Variants in RBFOX1 observed in about 807,000 individuals in gnomAD.
RBFOX1 encodes the protein RNA binding fox-1 homolog 1, also known as RNA binding protein fox-1 homolog 1.
Under a neutral mutation model 57.7 loss-of-function variants are expected in RBFOX1, and 8 were observed. The ratio of observed to expected loss-of-function variants is 0.14; its 90% CI spans 0.08 to 0.25. The LOEUF (loss-of-function observed/expected upper bound fraction) is 0.25. Ranked by LOEUF, RBFOX1 falls within the 10% of genes least tolerant of loss-of-function variation. RBFOX1 has a pLI of 1.00. For missense variants in RBFOX1, 611 were observed against 548.5 expected, an observed-to-expected ratio of 1.11 and a Z score of -1.14; for synonymous variants, 326 against 222.4, an observed-to-expected ratio of 1.47 and a Z score of -4.15.
intron 4 of RBFOX1, among the ~76,000 whole-genome samples, chr16:7,172,339 A>G (rs183528712): frequency 2.6e-5 from 4 of 152,300 alleles, no homozygotes; most frequent in Admixed American, 2.6e-4. Flanking sequence ...AGTACCCTAC[A>G]CATCTTCCTA....
intron 2 of RBFOX1, among the ~76,000 whole-genome samples, chr16:5,478,842 C>G (rs2069422219): frequency 6.6e-6 from 1 of 152,136 alleles, no homozygotes; most frequent in Non-Finnish European, 1.5e-5. Flanking sequence ...CTCCCATGGG[C>G]TGCTATATTC....
chr16:6,587,100 C>A (rs758856157), intron 2 of RBFOX1, among the ~76,000 whole-genome samples: 11 of 152,082 alleles, frequency 7.2e-5, no homozygotes, highest in Non-Finnish European at 1.0e-4. Context: ...CTGTAGTCAC[C>A]ATGATGTACA....
chr16:5,845,883 G>T (rs921759537), intron 3 of RBFOX1, among the ~76,000 whole-genome samples: 8 of 152,112 alleles, frequency 5.3e-5, no homozygotes, highest in African/African-American at 1.9e-4. Flanking sequence ...AGAATTTTGT[G>T]AGAAAATGGC....
At chr16:7,349,028 T>G (rs943993385) in intron 4 of RBFOX1, among the ~76,000 whole-genome samples, 10 of 152,294 alleles carry the variant, frequency 6.6e-5, no homozygotes, top group Admixed American at 3.9e-4. Context: ...CAGATTTTCT[T>G]GTAAATTTCT....
At chr16:7,146,478 G>T (rs2075003870) in intron 4 of RBFOX1, among the ~76,000 whole-genome samples, 2 of 152,258 alleles carry the variant, frequency 1.3e-5, no homozygotes, top group African/African-American at 2.4e-5. Context: ...GAACAAAGGT[G>T]GTCTTCAGCT....
intron 3 of RBFOX1, among the ~76,000 whole-genome samples, chr16:5,791,349 C>G (rs1427993459): frequency 2.0e-5 from 3 of 152,000 alleles, no homozygotes; most frequent in African/African-American, 7.3e-5. Flanking sequence ...TAACAGACAT[C>G]ATTTGTTGAG....
intron 1 of RBFOX1, among the ~76,000 whole-genome samples, chr16:6,230,229 A>G (rs1850836463): frequency 6.6e-6 from 1 of 152,158 alleles, no homozygotes; most frequent in South Asian, 2.1e-4. Flanking sequence ...TGATCTTTTA[A>G]TTTTTTTAAA....
intron 1 of RBFOX1, among the ~76,000 whole-genome samples, chr16:6,200,004 G>A (rs1216827280): frequency 1.3e-5 from 2 of 152,104 alleles, no homozygotes; most frequent in East Asian, 1.9e-4. Flanking sequence ...AATGAGCAGG[G>A]GTTGATGGAG....
At chr16:5,974,310 T>C (rs12931802) in intron 4 of RBFOX1, among the ~76,000 whole-genome samples, 38,612 of 152,050 alleles carry the variant, frequency 0.25, 4,911 homozygotes, top group South Asian at 0.34. Flanking sequence ...GAAACATACC[T>C]GATTAAAAGA....
chr16:6,936,025 A>C (rs977531335), intron 3 of RBFOX1, among the ~76,000 whole-genome samples: 3 of 152,118 alleles, frequency 2.0e-5, no homozygotes, highest in Non-Finnish European at 4.4e-5. Context: ...TAATGGCAAG[A>C]GGGTTTCTTC....
chr16:6,880,083 G>C (rs1329968808), intron 3 of RBFOX1, among the ~76,000 whole-genome samples: 1 of 152,028 alleles, frequency 6.6e-6, no homozygotes, highest in Non-Finnish European at 1.5e-5. Context: ...TTCTCCTTAG[G>C]GATGTTCCTG....
intron 4 of RBFOX1, among the ~76,000 whole-genome samples, chr16:7,381,442 C>G (rs528818859): frequency 3.9e-4 from 60 of 152,028 alleles, no homozygotes; most frequent in Non-Finnish European, 7.5e-4. Context: ...TTCCTGTTTT[C>G]TCAATGATCT....
rs1184383912 is a variant in RBFOX1 at position 6,060,143 on chromosome 16, T to G, written c.-127+40151T>G. On this transcript the variant is annotated intron_variant, in intron 1 of 15. Coordinates refer to ENST00000550418, the MANE Select transcript of RBFOX1 (RefSeq NM_018723.4). ...TAGGGTTTTTTTTTTTTTTTTTTTT[T>G]TTTTTTTTTTTTTTTACGTATAACA... 4.7e-3 allele frequency among the ~76,000 whole-genome samples: 335 copies of G among 71,580 alleles called. 9 individuals are homozygous for G. Among genetic ancestry groups the G allele is most frequent in the African/African-American group, 0.014 (322 of 22,722 alleles). 47.0% of individuals were successfully genotyped at this position (71,580 alleles called of 152,430 possible).
At chr16:7,484,789 C>A (rs1390285429) in intron 4 of RBFOX1, among the ~76,000 whole-genome samples, 1 of 152,126 alleles carries the variant, frequency 6.6e-6, no homozygotes. Context: ...TCGCACAGCT[C>A]CCAGATGTTT....
chr16:7,287,210 G>C (rs1603500611), intron 4 of RBFOX1, among the ~76,000 whole-genome samples: 1 of 152,098 alleles, frequency 6.6e-6, no homozygotes, highest in African/African-American at 2.4e-5. Context: ...ATAATGTCTT[G>C]ATCTATGTAC....
chr16:6,867,801 C>G (rs531273046), intron 3 of RBFOX1, among the ~76,000 whole-genome samples: 51 of 152,284 alleles, frequency 3.3e-4, no homozygotes, highest in African/African-American at 1.2e-3. Flanking sequence ...CAGAACAAGT[C>G]CTGTTTATCC....
intron 11 of RBFOX1, among the ~76,000 whole-genome samples, chr16:7,633,724 T>C (rs1224342456): frequency 6.6e-6 from 1 of 152,142 alleles, no homozygotes; most frequent in Non-Finnish European, 1.5e-5. Context: ...CCCTCTCCAA[T>C]TGGGTAGGCA....
At chr16:6,980,319 C>T (rs925896277) in intron 3 of RBFOX1, among the ~76,000 whole-genome samples, 12 of 152,102 alleles carry the variant, frequency 7.9e-5, no homozygotes, top group Admixed American at 3.3e-4. Flanking sequence ...TTAAATATTA[C>T]CTATTCGTTT....
At chr16:7,639,450 G>T (rs147963276) in intron 11 of RBFOX1, among the ~76,000 whole-genome samples, 2 of 152,134 alleles carry the variant, frequency 1.3e-5, no homozygotes, top group East Asian at 3.9e-4. Flanking sequence ...TCGGAGAGGG[G>T]GTTGAAAGGT....
Sources: gnomAD v4.1 joint callset for allele counts (sites outside exome capture counted in the v4.1 genomes callset) on GRCh38, gnomAD v4.1.1 for gene constraint, MANE v1.5 for transcripts, NCBI Gene and HGNC (gene_info 2026-07-23, HGNC 2026-07-21) for gene names.